The following GALNT14 variants were observed in gnomAD, a reference collection of about 807,000 sequenced individuals.
GALNT14 encodes UDP-GalNAc:polypeptide N-acetylgalactosaminyltransferase 14.
Under a neutral mutation model 77.5 loss-of-function variants are expected in GALNT14, and 60 were observed. The observed-to-expected ratio is 0.77, with a 90% CI of 0.63 to 0.96. GALNT14 has a LOEUF of 0.96. Ranked by LOEUF, GALNT14 falls within the 40% of genes least tolerant of loss-of-function variation. The pLI is 0.00. For synonymous variants in GALNT14, 280 were observed against 281.7 expected (o/e 0.99, Z 0.06); for missense variants, 710 against 731.0 (o/e 0.97, Z 0.33).
chr2:31,124,871 A>G (rs1400051157), intron 1 of GALNT14, among the ~76,000 whole-genome samples: 4 of 151,988 alleles, frequency 2.6e-5, no homozygotes, highest in African/African-American at 9.7e-5. Context: ...ACTCACATTC[A>G]CCTCTCCCCT....
chr2:31,128,125 C>T (rs530934444), intron 1 of GALNT14, among the ~76,000 whole-genome samples: 2 of 152,096 alleles, frequency 1.3e-5, no homozygotes, highest in South Asian at 2.1e-4. Flanking sequence ...CCTGATCTTA[C>T]GCTTTCCTAA....
At chr2:30,928,006 AC>A (rs1665492728) in intron 11 of GALNT14, among the ~76,000 whole-genome samples, 2 of 152,084 alleles carry the variant, frequency 1.3e-5, no homozygotes, top group African/African-American at 2.4e-5. Context: ...TGAGGACAAG[AC>A]CTTTTGAGCT....
intron 1 of GALNT14, among the ~76,000 whole-genome samples, chr2:31,110,495 G>A (rs1677779651): frequency 6.6e-6 from 1 of 152,170 alleles, no homozygotes; most frequent in African/African-American, 2.4e-5. Flanking sequence ...CATGGTGCTG[G>A]CTTGCATGAA....
rs558687910 is a variant in GALNT14 at position 31,028,552 on chromosome 2, G to A, written c.130-35545C>T. 6.6e-4 allele frequency among the ~76,000 whole-genome samples: 101 copies of A among 152,338 alleles called. 1 individual carries two copies. Among genetic ancestry groups the A allele is most frequent in the African/African-American group, 2.4e-3 (98 of 41,574 alleles). ...GCCGCCACCACCTGCCCTTCCCCAT[G>A]GGGTGCTCCCACACATAACGGTGTG... On this transcript the variant is annotated intron_variant, in intron 1 of 14. Transcript: ENST00000349752.
At chr2:30,940,583 A>C (rs1314589238) in intron 9 of GALNT14, among the ~76,000 whole-genome samples, 5 of 152,246 alleles carry the variant, frequency 3.3e-5, no homozygotes, top group Admixed American at 3.3e-4. Context: ...GTCTATAAGA[A>C]ATGCTGTAGA....
At chr2:30,988,406 G>T (rs975765817) in intron 2 of GALNT14, among the ~76,000 whole-genome samples, 1 of 152,192 alleles carries the variant, frequency 6.6e-6, no homozygotes, top group African/African-American at 2.4e-5. Flanking sequence ...CACAGTAGGA[G>T]CTTCTCGGTA....
At chr2:31,121,809 A>G (rs1174107379) in intron 1 of GALNT14, among the ~76,000 whole-genome samples, 1 of 151,914 alleles carries the variant, frequency 6.6e-6, no homozygotes, top group African/African-American at 2.4e-5. Flanking sequence ...GGATAATGGG[A>G]TATTTGTTTG....
chr2:31,017,573 G>GGA, intron 1 of GALNT14, among the ~76,000 whole-genome samples: 1 of 152,216 alleles, frequency 6.6e-6, no homozygotes, highest in African/African-American at 2.4e-5. Flanking sequence ...TTGAGTCAGG[G>GGA]GAGAGTCAGA....
rs766920792 is a variant in GALNT14, at chr2:30,932,067, C to A, written c.1058+1G>T. The A allele has an allele frequency of 1.9e-6, 3 of 1,541,132 alleles. No homozygotes were observed. Among genetic ancestry groups the A allele is most frequent in the Non-Finnish European group, 2.6e-6 (3 of 1,143,162 alleles). ...CCCGCGCTGAGCCCCTGGGCACTTA[C>A]TTTATATACGTGTTGGCATTTCCAT... On this transcript the variant is annotated splice_donor_variant, in intron 10 of 14. Transcript: ENST00000349752. LOFTEE classifies it high-confidence loss of function.
chr2:31,017,816 C>G (rs192283190), intron 1 of GALNT14, among the ~76,000 whole-genome samples: 17 of 152,292 alleles, frequency 1.1e-4, no homozygotes, highest in Admixed American at 1.0e-3. Context: ...AGAGATTAAG[C>G]AGGGAAAAGG....
intron 6 of GALNT14, among the ~76,000 whole-genome samples, chr2:30,954,775 C>T (rs915826239): frequency 8.5e-5 from 13 of 152,204 alleles, no homozygotes; most frequent in Non-Finnish European, 1.8e-4. Flanking sequence ...GTAACGCCAG[C>T]GTTCTGGTGC....
chr2:31,056,639 A>G (rs1311682671), intron 1 of GALNT14, among the ~76,000 whole-genome samples: 2 of 152,186 alleles, frequency 1.3e-5, no homozygotes, highest in Admixed American at 6.5e-5. Flanking sequence ...TCAGAATAGC[A>G]CTTATAAATG....
At chr2:31,054,372 C>T (rs1409506729) in intron 1 of GALNT14, among the ~76,000 whole-genome samples, 2 of 152,202 alleles carry the variant, frequency 1.3e-5, no homozygotes, top group African/African-American at 4.8e-5. Context: ...TCCTCTGAGA[C>T]TCTTTCCCCA....
Position 30,910,922 on chromosome 2 carries a change from G to A in GALNT14, c.1638C>T (p.His546=), listed in dbSNP as rs752251096. The A allele has an allele frequency of 2.5e-6, 4 of 1,613,830 alleles. No homozygotes were observed. Among genetic ancestry groups the A allele is most frequent in the African/African-American group, 1.3e-5 (1 of 74,854 alleles). Residue 546 remains histidine, a synonymous_variant, in exon 15 of 15, where the codon CAC becomes CAT. Transcript: ENST00000349752. ...GTCCTCAAGAGCTCACCATGTCCCA[G>A]TGCTGGCTCATGAGTGAGGACTCAC... ...NPCESSLMSQ[H]WDMVSS
intron 1 of GALNT14, among the ~76,000 whole-genome samples, chr2:31,121,573 C>T (rs915904471): frequency 4.6e-5 from 7 of 152,180 alleles, no homozygotes; most frequent in Non-Finnish European, 7.4e-5. Flanking sequence ...TTAACTTTTC[C>T]GCAGTCTGGC....
At chr2:31,018,693 T>A (rs1671533910) in intron 1 of GALNT14, among the ~76,000 whole-genome samples, 1 of 152,138 alleles carries the variant, frequency 6.6e-6, no homozygotes, top group Non-Finnish European at 1.5e-5. Flanking sequence ...ACAAATGACA[T>A]CTGGAAAAGT....
chr2:30,968,508 G>A (rs1408988880), intron 2 of GALNT14, among the ~76,000 whole-genome samples: 1 of 152,226 alleles, frequency 6.6e-6, no homozygotes, highest in Non-Finnish European at 1.5e-5. Context: ...CACTCGAGCA[G>A]CCCTGTCTAC....
At chr2:31,125,184 G>A in intron 1 of GALNT14, 5 of 1,550,520 alleles carry the variant, frequency 3.2e-6, no homozygotes, top group Non-Finnish European at 4.4e-6. Flanking sequence ...TGGTAGGGAG[G>A]AGTGGGTGAT....
chr2:31,095,117 A>C (rs1676936549), intron 1 of GALNT14, among the ~76,000 whole-genome samples: 1 of 152,232 alleles, frequency 6.6e-6, no homozygotes, highest in Non-Finnish European at 1.5e-5. Context: ...TGGAAACAAC[A>C]GTGGGAGTGG....
Sources: gnomAD v4.1 joint callset for allele counts (sites outside exome capture counted in the v4.1 genomes callset) on GRCh38, gnomAD v4.1.1 for gene constraint, MANE v1.5 for transcripts, NCBI Gene and HGNC (gene_info 2026-07-23, HGNC 2026-07-21) for gene names.